Variants in NPAS3 observed in about 807,000 individuals in gnomAD.
The protein encoded by NPAS3 is neuronal PAS domain-containing protein 3.
Under a neutral mutation model 73.1 loss-of-function variants are expected in NPAS3, and 14 were observed. That is an observed-to-expected ratio of 0.19 (90% CI 0.13 to 0.30). NPAS3 has a LOEUF of 0.30. Ranked by LOEUF, NPAS3 falls within the 10% of genes least tolerant of loss-of-function variation. NPAS3 has a pLI of 1.00. For missense variants in NPAS3, 1,096 were observed against 1,250.0 expected (o/e 0.88, Z 1.86); for synonymous variants, 620 against 541.5 (o/e 1.14, Z -2.01).
At chr14:33,124,219 C>T (rs1236405893) in intron 2 of NPAS3, among the ~76,000 whole-genome samples, 1 of 152,022 alleles carries the variant, frequency 6.6e-6, no homozygotes, top group East Asian at 1.9e-4. Context: ...CTTTTTTAAA[C>T]CATTATCCCC....
At chr14:33,358,173 G>A (rs1315135) in intron 3 of NPAS3, among the ~76,000 whole-genome samples, 17,176 of 152,152 alleles carry the variant, frequency 0.11, 988 homozygotes, top group East Asian at 0.16. Flanking sequence ...TGCCCAGCAC[G>A]GTGCCAAGCC....
At chr14:33,601,560 G>C (rs1329101804) in intron 5 of NPAS3, among the ~76,000 whole-genome samples, 1 of 152,160 alleles carries the variant, frequency 6.6e-6, no homozygotes. Context: ...TCACAAATTT[G>C]AGTGAGAAAA....
chr14:33,062,671 C>T (rs138501761), intron 2 of NPAS3, among the ~76,000 whole-genome samples: 6 of 152,292 alleles, frequency 3.9e-5, no homozygotes, highest in Non-Finnish European at 7.3e-5. Context: ...AACTTGAGAA[C>T]GAAAGTAAAG....
At chr14:33,585,164 G>A (rs1013280713) in intron 5 of NPAS3, among the ~76,000 whole-genome samples, 29 of 151,918 alleles carry the variant, frequency 1.9e-4, no homozygotes, top group African/African-American at 3.9e-4. Flanking sequence ...GGAGAGACCC[G>A]AATAGAGCCT....
At chr14:33,637,710 TTGTACTCA>T (rs1430312202) in intron 5 of NPAS3, among the ~76,000 whole-genome samples, 2 of 152,224 alleles carry the variant, frequency 1.3e-5, no homozygotes, top group African/African-American at 2.4e-5. Flanking sequence ...TTTCTTACTT[TTGTACTCA>T]TGAACAGCTA....
In NPAS3 at chr14:32,955,313, C is replaced by T. The variant is rs79742720; in HGVS notation, c.50+15947C>T. On this transcript the variant is annotated intron_variant, in intron 1 of 11. Transcript: ENST00000356141. Reference sequence around the variant, plus strand: ...TACTCTAGTAAGTAGTGAGATCACACAGACCAAAATATACTTTGTTGGATA... The same window carrying T: ...TACTCTAGTAAGTAGTGAGATCACATAGACCAAAATATACTTTGTTGGATA... 6.6e-4 allele frequency among the ~76,000 whole-genome samples: 100 copies of T among 152,196 alleles called. No individual in the cohort carries two copies. In the East Asian group the frequency reaches 0.017, roughly 26 times the overall value.
chr14:33,759,566 T>G (rs1222041290), intron 7 of NPAS3, among the ~76,000 whole-genome samples: 4 of 152,268 alleles, frequency 2.6e-5, no homozygotes, highest in African/African-American at 4.8e-5. Context: ...CATGGATTTA[T>G]TCTTCAGCCC....
intron 1 of NPAS3, among the ~76,000 whole-genome samples, chr14:33,033,055 C>CT (rs2040047918): frequency 6.6e-6 from 1 of 152,110 alleles, no homozygotes; most frequent in Admixed American, 6.5e-5. Context: ...AATAATAACT[C>CT]TAAGAGGTGA....
intron 5 of NPAS3, among the ~76,000 whole-genome samples, chr14:33,574,559 G>T (rs2056358590): frequency 6.6e-6 from 1 of 151,990 alleles, no homozygotes; most frequent in African/African-American, 2.4e-5. Flanking sequence ...CAAGCAGTTT[G>T]GTGGCAAAGA....
intron 2 of NPAS3, among the ~76,000 whole-genome samples, chr14:33,098,544 G>A (rs1315115): frequency 0.84 from 127,557 of 152,148 alleles, 53,679 homozygotes; most frequent in Middle Eastern, 0.94. Context: ...TCACACAGCT[G>A]GTAAAGTGGG....
At chr14:33,213,747 ATTTG>A (rs2047120636) in intron 2 of NPAS3, 12 of 152,224 alleles carry the variant, frequency 7.9e-5, no homozygotes, top group Admixed American at 5.9e-4. Flanking sequence ...TGAGAAAGAC[ATTTG>A]TTAGCTAATG....
In NPAS3 at chr14:33,264,134, A is replaced by T. The variant is rs2049081418; in HGVS notation, c.385+48708A>T. Among the ~76,000 whole-genome samples the T allele has an allele frequency of 3.3e-5, 5 of 152,174 alleles. No individual in the cohort carries two copies. In the South Asian group the frequency reaches 1.0e-3, roughly 32 times the overall value. On this transcript the variant is annotated intron_variant, in intron 3 of 11. Coordinates refer to ENST00000356141, the Ensembl canonical transcript of NPAS3. ...CATATCCTTTGTAGAGACATGGATG[A>T]AGCTGGATACCATCATTCTCAGCAA...
chr14:33,360,130 CGAGTTCCCAGCA>C (rs2045529483), intron 3 of NPAS3, among the ~76,000 whole-genome samples: 1 of 152,216 alleles, frequency 6.6e-6, no homozygotes, highest in Middle Eastern at 3.2e-3. Context: ...CTTCGCATCC[CGAGTTCCCAGCA>C]GAGTGCCTGC....
rs1012475426 is a variant in NPAS3, at chr14:32,996,416, A to G, written c.50+57050A>G. Among the ~76,000 whole-genome samples the G allele has an allele frequency of 8.5e-5, 13 of 152,352 alleles. No individual in the cohort carries two copies. In the East Asian group the frequency reaches 2.5e-3, roughly 29 times the overall value. On this transcript the variant is annotated intron_variant, in intron 1 of 11. Coordinates refer to ENST00000356141, the Ensembl canonical transcript of NPAS3. ...CGAGGAACAAAATGTTAATCCCAAG[A>G]CAATGGGGAAAATGTATCTAGGGCA...
At chr14:33,209,547 A>G (rs1261191547) in intron 2 of NPAS3, among the ~76,000 whole-genome samples, 1 of 152,218 alleles carries the variant, frequency 6.6e-6, no homozygotes, top group Non-Finnish European at 1.5e-5. Flanking sequence ...TCAAAGGTTC[A>G]TGAGTTAAAA....
intron 2 of NPAS3, among the ~76,000 whole-genome samples, chr14:33,091,960 T>C (rs544950947): frequency 1.3e-5 from 2 of 152,166 alleles, no homozygotes; most frequent in Non-Finnish European, 2.9e-5. Context: ...TAGGTATTGA[T>C]GGGATGTATC....
chr14:33,605,318 C>T (rs1024786034), intron 5 of NPAS3, among the ~76,000 whole-genome samples: 4 of 150,774 alleles, frequency 2.7e-5, no homozygotes, highest in East Asian at 2.0e-4. Flanking sequence ...TTGCTCTTGC[C>T]GCTTTAATGT....
At chr14:33,114,131 G>A (rs2042985100) in intron 2 of NPAS3, among the ~76,000 whole-genome samples, 1 of 152,038 alleles carries the variant, frequency 6.6e-6, no homozygotes, top group South Asian at 2.1e-4. Context: ...TGCCTCCTGG[G>A]TTCATGCAAT....
chr14:33,094,243 G>C (rs1397053757), intron 2 of NPAS3, among the ~76,000 whole-genome samples: 1 of 151,914 alleles, frequency 6.6e-6, no homozygotes, highest in Non-Finnish European at 1.5e-5. Context: ...AATATTCTCT[G>C]TTTTCATATA....
Sources: gnomAD v4.1 joint callset for allele counts (sites outside exome capture counted in the v4.1 genomes callset) on GRCh38, gnomAD v4.1.1 for gene constraint, MANE v1.5 for transcripts, NCBI Gene and HGNC (gene_info 2026-07-23, HGNC 2026-07-21) for gene names.